Variants in PLD1 observed in about 807,000 individuals in gnomAD.
PLD1 encodes phospholipase D1.
Under a neutral mutation model 137.1 loss-of-function variants are expected in PLD1, and 112 were observed. The ratio of observed to expected loss-of-function variants is 0.82; its 90% CI spans 0.70 to 0.96. The LOEUF is 0.96. Ranked by LOEUF, PLD1 falls within the 40% of genes least tolerant of loss-of-function variation. The pLI, the probability that PLD1 is intolerant of heterozygous loss-of-function variation, is 0.00. For missense variants in PLD1, 1,321 were observed against 1,342.0 expected, an observed-to-expected ratio of 0.98 and a Z score of 0.24; for synonymous variants, 431 against 454.7, an observed-to-expected ratio of 0.95 and a Z score of 0.66.
At chr3:171,702,238 C>A (rs1435388300) in intron 11 of PLD1, among the ~76,000 whole-genome samples, 1 of 152,064 alleles carries the variant, frequency 6.6e-6, no homozygotes, top group African/African-American at 2.4e-5. Context: ...ATAAACCCAG[C>A]ACTTTGGGAG....
At chr3:171,677,809 T>C (rs563219780) in intron 16 of PLD1, 115 bp from the exon 17 acceptor site, 80 of 1,003,936 alleles carry the variant, frequency 8.0e-5, no homozygotes, top group Admixed American at 4.5e-4. Context: ...AAGACACAAC[T>C]AGGGTGGCAT....
intron 23 of PLD1, 144 bp from the exon 24 acceptor site, chr3:171,620,664 T>C (rs1733516558): frequency 2.6e-6 from 1 of 378,230 alleles, no homozygotes; most frequent in Non-Finnish European, 4.6e-6. Context: ...ATTTCAGAAT[T>C]CATCCAGGAT....
intron 1 of PLD1, among the ~76,000 whole-genome samples, chr3:171,764,921 A>G (rs189805632): frequency 0.13 from 3,845 of 28,528 alleles, 754 homozygotes; most frequent in Non-Finnish European, 0.17. Flanking sequence ...GGAAAGAAAG[A>G]AAGGAAAGAA....
At chr3:171,763,534 AGAGGG>A (rs1286588147) in intron 1 of PLD1, among the ~76,000 whole-genome samples, 31 of 7,598 alleles carry the variant, frequency 4.1e-3, no homozygotes, top group Middle Eastern at 0.045. Flanking sequence ...GGAGGGGAGG[AGAGGG>A]GAGGGGAGGG....
At chr3:171,630,489 T>G (rs1242550012) in intron 23 of PLD1, among the ~76,000 whole-genome samples, 5 of 121,636 alleles carry the variant, frequency 4.1e-5, no homozygotes, top group African/African-American at 1.8e-4. Context: ...AGAAATACCA[T>G]TTGACCCAGC....
Position 171,737,613 on chromosome 3 carries a change from C to G in PLD1, c.207G>C (p.Glu69Asp). The G allele has an allele frequency of 6.2e-7, 1 of 1,601,310 alleles. No homozygotes were observed. The highest frequency in any genetic ancestry group is 1.1e-5 in the South Asian group (1 of 90,306). Residue 69 changes from glutamate to aspartate, a missense_variant, in exon 3 of 27, where the codon GAG (glutamate) becomes GAC (aspartate). Coordinates refer to ENST00000351298, the MANE Select transcript of PLD1 (RefSeq NM_002662.5). ...CGGAGAGATACGTCTGTATATTAGG[C>G]TCCTTAAATCCTTGAGTGTTATAAA... The part of the protein sequence containing the change: ...SAIYNTQGFK[E>D]PNIQTYLSGC...
chr3:171,780,684 A>G (rs1431514889), intron 1 of PLD1, among the ~76,000 whole-genome samples: 1 of 152,220 alleles, frequency 6.6e-6, no homozygotes, highest in East Asian at 1.9e-4. Flanking sequence ...GAAGATTGAG[A>G]ACTGACCACT....
chr3:171,652,654 T>C (rs923492651), intron 21 of PLD1, among the ~76,000 whole-genome samples: 38 of 151,572 alleles, frequency 2.5e-4, no homozygotes, highest in African/African-American at 9.0e-4. Context: ...CAGGCTGGAG[T>C]GCAGTGGTGC....
chr3:171,690,072 A>G (rs1000130189), intron 13 of PLD1, among the ~76,000 whole-genome samples: 1 of 152,128 alleles, frequency 6.6e-6, no homozygotes, highest in Admixed American at 6.5e-5. Context: ...TTAAAGGTCT[A>G]TTTAGGTTTT....
At chr3:171,658,238 C>T (rs886190787) in intron 21 of PLD1, among the ~76,000 whole-genome samples, 4 of 152,078 alleles carry the variant, frequency 2.6e-5, no homozygotes, top group Admixed American at 6.6e-5. Context: ...ATGGCAGAGC[C>T]GCTTTGGAAG....
At chr3:171,614,968 T>A (rs1732981952) in intron 24 of PLD1, among the ~76,000 whole-genome samples, 1 of 152,182 alleles carries the variant, frequency 6.6e-6, no homozygotes. Context: ...AGGGCCAACA[T>A]GGAATTACCC....
intron 9 of PLD1, among the ~76,000 whole-genome samples, chr3:171,712,697 C>T (rs1438083566): frequency 6.6e-6 from 1 of 152,088 alleles, no homozygotes; most frequent in Non-Finnish European, 1.5e-5. Flanking sequence ...ATGTGAATGG[C>T]CTCATTTGGC....
intron 1 of PLD1, among the ~76,000 whole-genome samples, chr3:171,799,922 T>A (rs1396221067): frequency 6.6e-6 from 1 of 152,046 alleles, no homozygotes; most frequent in South Asian, 2.1e-4. Context: ...ACAAGGAAAG[T>A]CTGAGCAACC....
intron 9 of PLD1, among the ~76,000 whole-genome samples, chr3:171,711,902 C>A (rs1717271426): frequency 6.7e-6 from 1 of 148,810 alleles, no homozygotes; most frequent in African/African-American, 2.5e-5. Flanking sequence ...CTGCCTACTA[C>A]TAAGAGGGAA....
intron 16 of PLD1, among the ~76,000 whole-genome samples, chr3:171,681,661 G>A (rs886454430): frequency 1.2e-4 from 18 of 152,052 alleles, no homozygotes; most frequent in African/African-American, 2.7e-4. Context: ...CCTGTATTTC[G>A]TCTGTGGATC....
At chr3:171,740,412 A>G (rs573243047) in intron 1 of PLD1, among the ~76,000 whole-genome samples, 88 of 152,332 alleles carry the variant, frequency 5.8e-4, no homozygotes, top group Middle Eastern at 3.4e-3. Context: ...TTAGAGGAAA[A>G]GAGACAAGGA....
chr3:171,779,547 C>T (rs906515600), intron 1 of PLD1, among the ~76,000 whole-genome samples: 3 of 152,088 alleles, frequency 2.0e-5, no homozygotes, highest in Admixed American at 1.3e-4. Flanking sequence ...GATATCCAAA[C>T]GAAGAGAAGT....
intron 1 of PLD1, among the ~76,000 whole-genome samples, chr3:171,739,052 T>C (rs1719586337): frequency 6.6e-6 from 1 of 152,156 alleles, no homozygotes; most frequent in South Asian, 2.1e-4. Flanking sequence ...ATGAGATGAA[T>C]GAAAACGTGA....
At chr3:171,771,887 A>G (rs1722372619) in intron 1 of PLD1, among the ~76,000 whole-genome samples, 1 of 152,232 alleles carries the variant, frequency 6.6e-6, no homozygotes, top group South Asian at 2.1e-4. Context: ...CTAACTTCTG[A>G]TTCTGACTTA....
Sources: gnomAD v4.1 joint callset for allele counts (sites outside exome capture counted in the v4.1 genomes callset) on GRCh38, gnomAD v4.1.1 for gene constraint, MANE v1.5 for transcripts, NCBI Gene and HGNC (gene_info 2026-07-23, HGNC 2026-07-21) for gene names.